CAMK1D: variants seen among roughly 807,000 people sequenced by gnomAD.
CAMK1D encodes the protein calcium/calmodulin dependent protein kinase ID.
In CAMK1D, 9 loss-of-function variants were observed where a neutral mutation model predicts 47.7. That is an observed-to-expected ratio of 0.19 (90% CI 0.11 to 0.33). The LOEUF is 0.33. Among genes scored for constraint, CAMK1D ranks in the 10% least tolerant of loss-of-function variants. CAMK1D has a pLI of 1.00. For missense variants in CAMK1D, 291 were observed against 488.7 expected (o/e 0.60, Z 3.81); for synonymous variants, 184 against 184.9 (o/e 0.99, Z 0.04).
chr10:12,496,357 G>A (rs573111142), intron 1 of CAMK1D, among the ~76,000 whole-genome samples: 10 of 152,114 alleles, frequency 6.6e-5, no homozygotes, highest in Non-Finnish European at 1.3e-4. Context: ...CTCTAGGGTC[G>A]TTGTGGCTCT....
intron 1 of CAMK1D, among the ~76,000 whole-genome samples, chr10:12,480,945 C>A (rs1192239642): frequency 6.6e-6 from 1 of 152,220 alleles, no homozygotes; most frequent in Non-Finnish European, 1.5e-5. Context: ...TTGCCCTTAA[C>A]CTCCAACAGC....
chr10:12,761,212 C>A, intron 4 of CAMK1D, 126 bp downstream of exon 4: 1 of 1,129,362 alleles, frequency 8.9e-7, no homozygotes, highest in Non-Finnish European at 1.2e-6. Context: ...AGATGGTGGG[C>A]ATTTGTGTAC....
chr10:12,717,431 G>A (rs571883894), intron 3 of CAMK1D, among the ~76,000 whole-genome samples: 7 of 152,248 alleles, frequency 4.6e-5, no homozygotes, highest in Middle Eastern at 3.4e-3. Flanking sequence ...AAAAATAGGC[G>A]AAGTTATTGT....
At chr10:12,713,719 C>A (rs978305986) in intron 3 of CAMK1D, among the ~76,000 whole-genome samples, 1 of 152,114 alleles carries the variant, frequency 6.6e-6, no homozygotes, top group Non-Finnish European at 1.5e-5. Flanking sequence ...AAGCAGGGCC[C>A]CCAACAAGTG....
intron 2 of CAMK1D, chr10:12,578,648 C>T (rs1281661062): frequency 2.6e-5 from 4 of 151,690 alleles, no homozygotes; most frequent in African/African-American, 9.7e-5. Context: ...CTTCTGGGCT[C>T]CAGCAATACT....
At chr10:12,630,438 G>A (rs1839347314) in intron 2 of CAMK1D, among the ~76,000 whole-genome samples, 1 of 150,050 alleles carries the variant, frequency 6.7e-6, no homozygotes, top group Non-Finnish European at 1.5e-5. Flanking sequence ...GAACAGTGGT[G>A]TGATCATAGC....
chr10:12,765,995 C>T lies in CAMK1D; in HGVS notation c.439-3678C>T, dbSNP rs563693941. 9.0e-4 allele frequency among the ~76,000 whole-genome samples: 110 copies of T among 121,774 alleles called. 1 individual carries two copies. Among genetic ancestry groups the T allele is most frequent in the Non-Finnish European group, 7.0e-4 (43 of 61,404 alleles). 79.9% of individuals were successfully genotyped at this position (121,774 alleles called of 152,430 possible). On this transcript the variant is annotated intron_variant, in intron 4 of 10. Coordinates refer to ENST00000619168, the MANE Select transcript of CAMK1D (RefSeq NM_153498.4). ...TTTTTTTTTTTTTGAGACAGAGTTT[C>T]GCTCTTGTTGCCCAGACTGGAGTGC...
chr10:12,833,751 A>T lies in CAMK1D; in HGVS notation c.*4864A>T, dbSNP rs1271664754. ...AAGATGTCCTCTTTCCCAGGTTTGC[A>T]CAATCACTTCTGGCAAATTAATTGA... On this transcript the variant is annotated 3_prime_UTR_variant, in exon 11 of 11. Coordinates refer to ENST00000619168, the MANE Select transcript of CAMK1D (RefSeq NM_153498.4). 1 of 152,176 alleles carries T rather than the reference A, an allele frequency of 6.6e-6. No homozygotes were observed. Among genetic ancestry groups the T allele is most frequent in the South Asian group, 2.1e-4 (1 of 4,828 alleles). 9.4% of individuals were successfully genotyped at this position (152,176 alleles called of 1,614,324 possible).
intron 1 of CAMK1D, among the ~76,000 whole-genome samples, chr10:12,383,536 A>G (rs145611810): frequency 7.0e-4 from 106 of 152,336 alleles, no homozygotes; most frequent in African/African-American, 2.4e-3. Context: ...GCCCATTTCA[A>G]ATCTTCTTGA....
chr10:12,772,555 A>G (rs543614106), intron 5 of CAMK1D, among the ~76,000 whole-genome samples: 3 of 152,188 alleles, frequency 2.0e-5, no homozygotes, highest in Non-Finnish European at 4.4e-5. Context: ...TGTTTTGGCA[A>G]AGCCCACGGA....
At chr10:12,601,444 T>C (rs1838300896) in intron 2 of CAMK1D, among the ~76,000 whole-genome samples, 1 of 152,188 alleles carries the variant, frequency 6.6e-6, no homozygotes, top group East Asian at 1.9e-4. Flanking sequence ...CACAGACTTA[T>C]GTGAGAGTCT....
chr10:12,369,848 C>T (rs923051161), intron 1 of CAMK1D, among the ~76,000 whole-genome samples: 5 of 150,902 alleles, frequency 3.3e-5, no homozygotes, highest in East Asian at 1.9e-4. Flanking sequence ...CCCAGCTACT[C>T]GGGAGGCTGA....
intron 4 of CAMK1D, among the ~76,000 whole-genome samples, chr10:12,761,671 G>A (rs4237428): frequency 0.73 from 111,492 of 152,112 alleles, 43,162 homozygotes; most frequent in Non-Finnish European, 0.86. Flanking sequence ...GGCAGATCAT[G>A]AGGTTAAGAA....
At chr10:12,465,255 T>C (rs1833557083) in intron 1 of CAMK1D, among the ~76,000 whole-genome samples, 1 of 152,238 alleles carries the variant, frequency 6.6e-6, no homozygotes, top group Admixed American at 6.5e-5. Flanking sequence ...CAATTACCCC[T>C]GAATTCAGAG....
At chr10:12,600,152 A>G (rs1838258633) in intron 2 of CAMK1D, among the ~76,000 whole-genome samples, 1 of 152,154 alleles carries the variant, frequency 6.6e-6, no homozygotes, top group Non-Finnish European at 1.5e-5. Flanking sequence ...GAAATAGCAG[A>G]ACAATAGAAG....
chr10:12,470,180 A>G lies in CAMK1D; in HGVS notation c.93-83045A>G, dbSNP rs914321846. On this transcript the variant is annotated intron_variant, in intron 1 of 10. Transcript: ENST00000619168. The stretch of plus-strand genomic sequence containing the variant: ...CTCCTGGATTTCATAACAATTCTCT[A>G]TAATGCTTTTGAAAACTTTGGCTTT... 6.6e-5 allele frequency among the ~76,000 whole-genome samples: 10 copies of G among 152,214 alleles called. No homozygotes were observed. In the South Asian group the frequency reaches 2.1e-3, roughly 31 times the overall value.
chr10:12,816,445 A>G (rs530271639), intron 8 of CAMK1D, 117 bp downstream of exon 8: 2 of 811,676 alleles, frequency 2.5e-6, no homozygotes, highest in East Asian at 2.7e-5. Flanking sequence ...TACAAATTTC[A>G]TCTCATTCTG....
At chr10:12,357,167 T>C (rs1226915795) in intron 1 of CAMK1D, among the ~76,000 whole-genome samples, 2 of 152,128 alleles carry the variant, frequency 1.3e-5, no homozygotes, top group South Asian at 2.1e-4. Context: ...TTTTTTACTT[T>C]TTAAGTTTTT....
intron 3 of CAMK1D, among the ~76,000 whole-genome samples, chr10:12,742,706 A>T (rs1564529694): frequency 6.6e-6 from 1 of 152,204 alleles, no homozygotes; most frequent in African/African-American, 2.4e-5. Flanking sequence ...TTGAACAGTT[A>T]TTTGAGATCA....
Sources: allele counts gnomAD v4.1 joint callset (sites outside exome capture counted in the v4.1 genomes callset), GRCh38; gene constraint gnomAD v4.1.1; transcripts MANE v1.5; gene names NCBI Gene and HGNC (gene_info 2026-07-23, HGNC 2026-07-21).